Variants in FUBP1 observed in about 807,000 individuals in gnomAD.
The protein encoded by FUBP1 is far upstream element-binding protein 1.
A neutral mutation model predicts 94.9 loss-of-function variants in FUBP1; 16 were observed. That is an observed-to-expected ratio of 0.17 (90% CI 0.11 to 0.26). The LOEUF (loss-of-function observed/expected upper bound fraction) is 0.26. FUBP1 is among the 10% of genes least tolerant of loss of function. The pLI is 1.00. For synonymous variants in FUBP1, 279 were observed against 254.9 expected, an observed-to-expected ratio of 1.09 and a Z score of -0.90; for missense variants, 583 against 808.6, an observed-to-expected ratio of 0.72 and a Z score of 3.38.
At position 77,948,232 on chromosome 1, in the gene FUBP1, G is replaced by C; in HGVS notation, c.*534C>G. 1 of 1,054,104 alleles carries C rather than the reference G, an allele frequency of 9.5e-7. No individual in the cohort carries two copies. The highest frequency in any genetic ancestry group is 5.4e-5 in the East Asian group (1 of 18,536). The allele number at this position is 1,054,104 out of a possible 1,614,324, so 65.3% of individuals were successfully genotyped here. ...GCTGAAAGAGCCAATACAATAAATG[G>C]AAAAGATCCTCCAATCTACCACTAT... On this transcript the variant is annotated 3_prime_UTR_variant, in exon 20 of 20. Transcript: ENST00000370768.
chr1:77,951,064 A>G (rs1016900974), intron 18 of FUBP1, among the ~76,000 whole-genome samples: 1 of 152,206 alleles, frequency 6.6e-6, no homozygotes, highest in Non-Finnish European at 1.5e-5. Flanking sequence ...ACAGGTTTCA[A>G]TATCTAAAAA....
intron 1 of FUBP1, among the ~76,000 whole-genome samples, chr1:77,978,242 T>G (rs773772737): frequency 6.6e-6 from 1 of 152,204 alleles, no homozygotes; most frequent in East Asian, 1.9e-4. Flanking sequence ...TCTGGTCAGT[T>G]TACGACTCTG....
chr1:77,948,473 G>A lies in FUBP1; in HGVS notation c.*293C>T, dbSNP rs1205061693. The A allele has an allele frequency of 1.5e-5, 18 of 1,189,396 alleles. No homozygotes were observed. Among genetic ancestry groups the A allele is most frequent in the Non-Finnish European group, 1.8e-5 (17 of 958,690 alleles). The allele number at this position is 1,189,396 out of a possible 1,614,324, so 73.7% of individuals were successfully genotyped here. A position where few individuals can be genotyped will look rare whatever the true frequency, so the allele number is the denominator to read the frequency against. On this transcript the variant is annotated 3_prime_UTR_variant, in exon 20 of 20. Transcript: ENST00000370768. ...AAAAGTGAAAGTATACATTGAAAAA[G>A]TACATTTATATCACAAAGCATCAAC...
chr1:77,947,295 AT>A lies in FUBP1; in HGVS notation c.*1470del. ...CTTTAAAAAAAATACAGAACTATGT[AT>A]TATTCTATGTTAAATTAAGAGGCAG... On this transcript the variant is annotated 3_prime_UTR_variant, in exon 20 of 20. Coordinates refer to ENST00000370768, the MANE Select transcript of FUBP1 (RefSeq NM_003902.5). The A allele has an allele frequency of 2.8e-6, 1 of 362,052 alleles. No homozygotes were observed. The highest frequency in any genetic ancestry group is 5.3e-6 in the Non-Finnish European group (1 of 187,328). The allele number at this position is 362,052 out of a possible 1,614,324, so 22.4% of individuals were successfully genotyped here.
Position 77,963,665 on chromosome 1 carries a change from A to T in FUBP1, c.1092T>A (p.Gly364=), listed in dbSNP as rs1571302001. ...PGPGGRGRGR[G]QGNWNMGPPG... is the part of the protein sequence containing the mutation. ...GTGGTCCCATGTTCCAGTTGCCTTGACCTCTACCTCTTCCTCGACCACCAG... is the reference window on the plus strand; with the variant it reads ...GTGGTCCCATGTTCCAGTTGCCTTGTCCTCTACCTCTTCCTCGACCACCAG... Residue 364 remains glycine (G), a synonymous_variant, in exon 13 of 20, where the codon GGT becomes GGA. Coordinates refer to ENST00000370768, the MANE Select transcript of FUBP1 (RefSeq NM_003902.5). The T allele has an allele frequency of 6.2e-7, 1 of 1,609,932 alleles. No individual in the cohort carries two copies. The highest frequency in any genetic ancestry group is 8.5e-7 in the Non-Finnish European group (1 of 1,176,310).
At chr1:77,962,599 G>A (rs1655704122) in intron 14 of FUBP1, among the ~76,000 whole-genome samples, 171 bp downstream of exon 14, 1 of 152,016 alleles carries the variant, frequency 6.6e-6, no homozygotes, top group African/African-American at 2.4e-5. Flanking sequence ...ATTTAATTAG[G>A]TTATTTTCAT....
At chr1:77,967,574 A>G in intron 4 of FUBP1, 53 bp downstream of exon 4, 5 of 1,421,198 alleles carry the variant, frequency 3.5e-6, no homozygotes, top group Non-Finnish European at 4.9e-6. Context: ...GTGTTTTTAC[A>G]TACAGCTCAA....
At chr1:77,954,323 G>T (rs573979660) in intron 18 of FUBP1, among the ~76,000 whole-genome samples, 1 of 152,164 alleles carries the variant, frequency 6.6e-6, no homozygotes, top group East Asian at 1.9e-4. Flanking sequence ...TCTTTTTGCC[G>T]AATTGTAGCT....
chr1:77,972,858 CT>C (rs1409412484), intron 1 of FUBP1, among the ~76,000 whole-genome samples: 1 of 151,772 alleles, frequency 6.6e-6, no homozygotes, highest in Admixed American at 6.6e-5. Flanking sequence ...AAACTGAGAA[CT>C]GTTACAAAGA....
intron 2 of FUBP1, among the ~76,000 whole-genome samples, chr1:77,968,514 A>G (rs929123924): frequency 1.2e-4 from 19 of 152,006 alleles, no homozygotes; most frequent in African/African-American, 4.6e-4. Context: ...ATTACTAGCA[A>G]AATATCACAT....
In FUBP1 at chr1:77,947,706, A is replaced by G; in HGVS notation, c.*1060T>C. The G allele has an allele frequency of 3.6e-6, 2 of 562,602 alleles. No homozygotes were observed. The highest frequency in any genetic ancestry group is 4.3e-5 in the East Asian group (1 of 23,524). The allele number at this position is 562,602 out of a possible 1,614,324, so 34.9% of individuals were successfully genotyped here. ...GTTAAAGAGTAATAAAATGACTTCA[A>G]GTACATAAAAAAATTAAGTTGATTC... On this transcript the variant is annotated 3_prime_UTR_variant, in exon 20 of 20. Transcript: ENST00000370768.
At chr1:77,963,189 A>G (rs1411103227) in intron 13 of FUBP1, among the ~76,000 whole-genome samples, 1 of 152,252 alleles carries the variant, frequency 6.6e-6, no homozygotes, top group Non-Finnish European at 1.5e-5. Context: ...ATAATAAAAT[A>G]TTTGAATTAA....
chr1:77,944,876 C>T lies in FUBP1; in HGVS notation c.*3890G>A, dbSNP rs1224462076. Among the ~76,000 whole-genome samples, 4 of 151,848 alleles carry T rather than the reference C, an allele frequency of 2.6e-5. No homozygotes were observed. The highest frequency in any genetic ancestry group is 9.7e-5 in the African/African-American group (4 of 41,384). On this transcript the variant is annotated 3_prime_UTR_variant, in exon 20 of 20. Coordinates refer to ENST00000370768, the MANE Select transcript of FUBP1 (RefSeq NM_003902.5). Reference sequence around the variant, plus strand: ...TATTAAAAAATAAAACTATACTTCTCATTTCTAAAAGAAACATCAAACCAT... The same window carrying T: ...TATTAAAAAATAAAACTATACTTCTTATTTCTAAAAGAAACATCAAACCAT...
chr1:77,974,197 G>A (rs557896704), intron 1 of FUBP1, among the ~76,000 whole-genome samples: 9 of 149,236 alleles, frequency 6.0e-5, no homozygotes, highest in African/African-American at 2.2e-4. Context: ...ATGCAGTGGC[G>A]CGATCTCGGT....
chr1:77,973,290 G>A (rs960193316), intron 1 of FUBP1, among the ~76,000 whole-genome samples: 1 of 152,136 alleles, frequency 6.6e-6, no homozygotes, highest in Non-Finnish European at 1.5e-5. Flanking sequence ...ATGTTACCCA[G>A]ACTAGAGTGC....
In FUBP1 at chr1:77,945,458, G is replaced by A. The variant is rs1426641659; in HGVS notation, c.*3308C>T. 2 of 211,466 alleles carry A rather than the reference G, an allele frequency of 9.5e-6. No individual in the cohort carries two copies. The highest frequency in any genetic ancestry group is 7.2e-5 in the East Asian group (1 of 13,980). 13.1% of individuals were successfully genotyped at this position (211,466 alleles called of 1,614,324 possible). On this transcript the variant is annotated 3_prime_UTR_variant, in exon 20 of 20. Coordinates refer to ENST00000370768, the MANE Select transcript of FUBP1 (RefSeq NM_003902.5). ...TACATTACACCCTATACCATATTAT[G>A]TATGGGAATACATTTCATATTTCTC...
chr1:77,946,570 GA>G lies in FUBP1; in HGVS notation c.*2195del. 5.0e-6 allele frequency: 1 copy of G among 201,488 alleles called. No individual in the cohort carries two copies. Among genetic ancestry groups the G allele is most frequent in the Non-Finnish European group, 1.0e-5 (1 of 97,564 alleles). The allele number at this position is 201,488 out of a possible 1,614,324, so 12.5% of individuals were successfully genotyped here. On this transcript the variant is annotated 3_prime_UTR_variant, in exon 20 of 20. Coordinates refer to ENST00000370768, the MANE Select transcript of FUBP1 (RefSeq NM_003902.5). ...GCAGAACCTAAGGTGGAAGGTCTGG[GA>G]AGGCACTGTGAAGTATAAATAATTG... is the stretch of plus-strand genomic sequence containing the variant.
Position 77,945,669 on chromosome 1 carries a change from T to C in FUBP1, c.*3097A>G, listed in dbSNP as rs1651979914. The C allele has an allele frequency of 4.7e-6, 1 of 210,928 alleles. No homozygotes were observed. The highest frequency in any genetic ancestry group is 2.3e-5 in the African/African-American group (1 of 44,074). 13.1% of individuals were successfully genotyped at this position (210,928 alleles called of 1,614,324 possible). A position where few individuals can be genotyped will look rare whatever the true frequency, so the allele number is the denominator to read the frequency against. ...TGTGTGTGAAAATGAAGGCAGTATT[T>C]TTGAATATTTTTCTTTGTTGCAGAG... is the stretch of plus-strand genomic sequence containing the variant. On this transcript the variant is annotated 3_prime_UTR_variant, in exon 20 of 20. Transcript: ENST00000370768.
chr1:77,964,570 C>G, intron 10 of FUBP1, 76 bp downstream of exon 10: 1 of 875,082 alleles, frequency 1.1e-6, no homozygotes, highest in Middle Eastern at 2.2e-4. Flanking sequence ...GTTAGAGCTA[C>G]TTAACACAAA....
Sources: allele counts gnomAD v4.1 joint callset (sites outside exome capture counted in the v4.1 genomes callset), GRCh38; gene constraint gnomAD v4.1.1; transcripts MANE v1.5; gene names NCBI Gene and HGNC (gene_info 2026-07-23, HGNC 2026-07-21).